Variants in MAML2 observed in about 807,000 individuals in gnomAD.
MAML2 encodes the protein mastermind-like protein 2.
A neutral mutation model predicts 96.1 loss-of-function variants in MAML2; 22 were observed. That is an observed-to-expected ratio of 0.23 (90% CI 0.16 to 0.33). The LOEUF is 0.33. Among genes scored for constraint, MAML2 ranks in the 10% least tolerant of loss-of-function variants. MAML2 has a pLI of 1.00. For synonymous variants in MAML2, 561 were observed against 521.3 expected (o/e 1.08, Z -1.04); for missense variants, 1,367 against 1,392.4 (o/e 0.98, Z 0.29).
chr11:96,274,039 C>G (rs1433134939), intron 1 of MAML2, among the ~76,000 whole-genome samples: 1 of 148,254 alleles, frequency 6.7e-6, no homozygotes, highest in African/African-American at 2.5e-5. Context: ...TCATTTATTC[C>G]TAGTTCTTTT....
intron 1 of MAML2, among the ~76,000 whole-genome samples, chr11:96,279,075 A>G (rs570116001): frequency 6.6e-6 from 1 of 152,130 alleles, no homozygotes; most frequent in South Asian, 2.1e-4. Context: ...ATTTCTGGTT[A>G]GGATAAAAGA....
At chr11:96,184,734 C>G (rs535129709) in intron 1 of MAML2, among the ~76,000 whole-genome samples, 1 of 151,488 alleles carries the variant, frequency 6.6e-6, no homozygotes, top group Non-Finnish European at 1.5e-5. Flanking sequence ...GGACTACAGG[C>G]GCCCACCGCC....
chr11:96,103,548 G>C (rs1434933261), intron 1 of MAML2, among the ~76,000 whole-genome samples: 1 of 152,136 alleles, frequency 6.6e-6, no homozygotes. Context: ...CTACCAAAAA[G>C]GTCCCTTCTT....
At chr11:96,315,247 T>C (rs1311743134) in intron 1 of MAML2, among the ~76,000 whole-genome samples, 1 of 152,136 alleles carries the variant, frequency 6.6e-6, no homozygotes, top group Non-Finnish European at 1.5e-5. Flanking sequence ...GACAAAACGG[T>C]GCCAATGGAT....
chr11:96,238,162 G>A (rs972421758), intron 1 of MAML2, among the ~76,000 whole-genome samples: 4 of 152,172 alleles, frequency 2.6e-5, no homozygotes, highest in Non-Finnish European at 4.4e-5. Flanking sequence ...TTAGTTGGGG[G>A]TTTCATTAAT....
chr11:96,203,528 C>T (rs1861854505), intron 1 of MAML2, among the ~76,000 whole-genome samples: 1 of 152,086 alleles, frequency 6.6e-6, no homozygotes, highest in African/African-American at 2.4e-5. Flanking sequence ...AGATATAAGT[C>T]AGCCGGCAAG....
intron 2 of MAML2, among the ~76,000 whole-genome samples, chr11:96,056,198 C>T (rs544174645): frequency 2.0e-5 from 3 of 152,156 alleles, no homozygotes; most frequent in African/African-American, 4.8e-5. Context: ...TCCCTGCCCC[C>T]ACAGGGCAGG....
At chr11:96,260,851 C>T (rs956088539) in intron 1 of MAML2, among the ~76,000 whole-genome samples, 10 of 151,410 alleles carry the variant, frequency 6.6e-5, no homozygotes, top group African/African-American at 2.4e-4. Context: ...AAATGAGTAG[C>T]CATCAACTCT....
chr11:96,233,171 A>G (rs1862320172), intron 1 of MAML2, among the ~76,000 whole-genome samples: 1 of 152,260 alleles, frequency 6.6e-6, no homozygotes, highest in Non-Finnish European at 1.5e-5. Context: ...GTGCTAGAGT[A>G]CAATAAATTA....
intron 1 of MAML2, among the ~76,000 whole-genome samples, chr11:96,273,880 A>T (rs1213166360): frequency 6.6e-6 from 1 of 152,150 alleles, no homozygotes; most frequent in African/African-American, 2.4e-5. Context: ...ATGGAGATTT[A>T]AAACTTTTCA....
At chr11:96,130,171 G>A (rs779214054) in intron 1 of MAML2, among the ~76,000 whole-genome samples, 21 of 152,204 alleles carry the variant, frequency 1.4e-4, no homozygotes, top group Non-Finnish European at 2.5e-4. Flanking sequence ...GTGTGTGTGG[G>A]TGTTTGGCAC....
chr11:96,297,122 A>G (rs4423145), intron 1 of MAML2, among the ~76,000 whole-genome samples: 4,516 of 152,252 alleles, frequency 0.03, 228 homozygotes, highest in African/African-American at 0.1. Context: ...GAAAGGCTGC[A>G]GCTGGGCTGG....
chr11:96,131,997 G>A lies in MAML2; in HGVS notation c.514-38480C>T, dbSNP rs191340699. 1.8e-4 allele frequency among the ~76,000 whole-genome samples: 28 copies of A among 152,284 alleles called. No homozygotes were observed. In the East Asian group the frequency reaches 5.4e-3, roughly 29 times the overall value. ...TGCACTCCAGCCTGGGCAACAGAGT[G>A]AGACTCTGTCTCAAAAAATAAAAAT... is the stretch of plus-strand genomic sequence containing the variant. On this transcript the variant is annotated intron_variant, in intron 1 of 4. Coordinates refer to ENST00000524717, the MANE Select transcript of MAML2 (RefSeq NM_032427.4).
At chr11:96,163,117 A>G (rs1267700019) in intron 1 of MAML2, among the ~76,000 whole-genome samples, 1 of 152,214 alleles carries the variant, frequency 6.6e-6, no homozygotes, top group Non-Finnish European at 1.5e-5. Flanking sequence ...AGTGCACACT[A>G]TAAACGTTCC....
At chr11:96,105,490 C>T (rs1279167438) in intron 1 of MAML2, among the ~76,000 whole-genome samples, 1 of 152,208 alleles carries the variant, frequency 6.6e-6, no homozygotes, top group African/African-American at 2.4e-5. Context: ...TAAGAGGTCC[C>T]TGCAATTTCA....
intron 1 of MAML2, among the ~76,000 whole-genome samples, chr11:96,094,877 G>A (rs946968729): frequency 1.3e-5 from 2 of 152,108 alleles, no homozygotes; most frequent in African/African-American, 4.8e-5. Flanking sequence ...ACTTATGGCT[G>A]CTCTCTCACC....
At chr11:96,171,267 A>T (rs1861290933) in intron 1 of MAML2, among the ~76,000 whole-genome samples, 1 of 152,124 alleles carries the variant, frequency 6.6e-6, no homozygotes, top group Non-Finnish European at 1.5e-5. Context: ...TTATTATCTA[A>T]CGGTGATATG....
intron 1 of MAML2, among the ~76,000 whole-genome samples, chr11:96,316,724 G>T (rs750043986): frequency 6.6e-6 from 1 of 152,170 alleles, no homozygotes; most frequent in African/African-American, 2.4e-5. Flanking sequence ...TTTTAAGCAG[G>T]GGTAGGATGT....
At chr11:96,257,727 T>C (rs1862688374) in intron 1 of MAML2, among the ~76,000 whole-genome samples, 1 of 152,204 alleles carries the variant, frequency 6.6e-6, no homozygotes. Context: ...TAATATTTCT[T>C]TGCTCACCAG....
Sources: allele counts gnomAD v4.1 joint callset (sites outside exome capture counted in the v4.1 genomes callset), GRCh38; gene constraint gnomAD v4.1.1; transcripts MANE v1.5; gene names NCBI Gene and HGNC (gene_info 2026-07-23, HGNC 2026-07-21).